Variants in FAM107B observed in about 807,000 individuals in gnomAD.
FAM107B encodes the protein family with sequence similarity 107 member B.
In FAM107B, 21 loss-of-function variants were observed where a neutral mutation model predicts 31.5. The observed-to-expected ratio is 0.67, with a 90% confidence interval of 0.47 to 0.96. The LOEUF is 0.96. Among genes scored for constraint, FAM107B ranks in the 40% least tolerant of loss-of-function variants. The pLI is 0.00. For synonymous variants in FAM107B, 157 were observed against 141.5 expected, an observed-to-expected ratio of 1.11 and a Z score of -0.78; for missense variants, 452 against 377.1, an observed-to-expected ratio of 1.20 and a Z score of -1.64.
intron 1 of FAM107B, among the ~76,000 whole-genome samples, chr10:14,754,798 C>T (rs964646733): frequency 1.3e-5 from 2 of 152,234 alleles, no homozygotes; most frequent in South Asian, 4.1e-4. Flanking sequence ...AGGTACAGCA[C>T]ATCTGCTGTG....
intron 2 of FAM107B, among the ~76,000 whole-genome samples, chr10:14,549,421 T>C (rs890408598): frequency 6.6e-6 from 1 of 152,226 alleles, no homozygotes; most frequent in Non-Finnish European, 1.5e-5. Flanking sequence ...ATGAGAGAAG[T>C]TTAGGCCTTT....
chr10:14,560,686 G>A (rs141769906), intron 2 of FAM107B, among the ~76,000 whole-genome samples: 2 of 152,182 alleles, frequency 1.3e-5, no homozygotes, highest in Non-Finnish European at 2.9e-5. Flanking sequence ...TTAAAAACAC[G>A]GCTGCCATCA....
At chr10:14,598,758 T>C (rs1443406201) in intron 2 of FAM107B, among the ~76,000 whole-genome samples, 1 of 152,238 alleles carries the variant, frequency 6.6e-6, no homozygotes, top group Non-Finnish European at 1.5e-5. Flanking sequence ...CTGTGGGCAC[T>C]GGCATAACAG....
chr10:14,637,518 C>T (rs573355355), intron 2 of FAM107B, among the ~76,000 whole-genome samples: 11 of 152,222 alleles, frequency 7.2e-5, no homozygotes, highest in African/African-American at 2.6e-4. Flanking sequence ...TTTTATGGTG[C>T]TTGTAGTCCC....
rs766249886 is a variant in FAM107B at position 14,765,645 on chromosome 10, G to A, written c.411+8608C>T. ...AGGGACAGTCAGTAATTTTGCTCAG[G>A]AGAATAAAAAGGAACTAGAAAATTA... is the stretch of plus-strand genomic sequence containing the variant. On this transcript the variant is annotated intron_variant, in intron 1 of 4. Transcript: ENST00000181796. Among the ~76,000 whole-genome samples the A allele has an allele frequency of 5.1e-4, 78 of 152,146 alleles. 1 individual carries two copies. Among genetic ancestry groups the A allele is most frequent in the Admixed American group, 3.6e-3 (55 of 15,264 alleles).
intron 2 of FAM107B, among the ~76,000 whole-genome samples, chr10:14,533,929 A>AG (rs58204092): frequency 0.011 from 1,618 of 151,456 alleles, 27 homozygotes; most frequent in African/African-American, 0.037. Flanking sequence ...CCGGTGCAGG[A>AG]GGGGGGGGCT....
At chr10:14,635,282 G>A (rs1351667658) in intron 2 of FAM107B, among the ~76,000 whole-genome samples, 1 of 152,066 alleles carries the variant, frequency 6.6e-6, no homozygotes, top group African/African-American at 2.4e-5. Context: ...AAGAAACCAG[G>A]AAGCCCTAAA....
At chr10:14,546,624 A>C (rs945904276) in intron 2 of FAM107B, among the ~76,000 whole-genome samples, 1 of 152,220 alleles carries the variant, frequency 6.6e-6, no homozygotes, top group Non-Finnish European at 1.5e-5. Context: ...AGCAGCTACA[A>C]TGTTTAAAAA....
chr10:14,691,240 T>C (rs1484281112), intron 1 of FAM107B, among the ~76,000 whole-genome samples: 1 of 152,130 alleles, frequency 6.6e-6, no homozygotes, highest in Admixed American at 6.5e-5. Flanking sequence ...GAAAATATGA[T>C]CTCAGTAGCT....
chr10:14,723,556 C>G (rs1855962468), intron 1 of FAM107B: 6 of 651,594 alleles, frequency 9.2e-6, no homozygotes, highest in Non-Finnish European at 1.7e-5. Flanking sequence ...TGTGTGAGCT[C>G]CCTTACTGTT....
At chr10:14,681,033 G>T (rs1854821633) in intron 1 of FAM107B, among the ~76,000 whole-genome samples, 1 of 152,188 alleles carries the variant, frequency 6.6e-6, no homozygotes, top group Non-Finnish European at 1.5e-5. Context: ...GGTCCTGACT[G>T]GAGGTTTGCC....
chr10:14,701,685 A>C (rs1855401950), intron 1 of FAM107B, among the ~76,000 whole-genome samples: 1 of 152,156 alleles, frequency 6.6e-6, no homozygotes, highest in South Asian at 2.1e-4. Flanking sequence ...ACCAGAAAGA[A>C]TGCAATGACC....
intron 2 of FAM107B, among the ~76,000 whole-genome samples, chr10:14,651,344 G>A (rs1853893039): frequency 6.6e-6 from 1 of 152,182 alleles, no homozygotes; most frequent in Non-Finnish European, 1.5e-5. Context: ...AGTGGCTCAC[G>A]CCTATAATCC....
intron 2 of FAM107B, among the ~76,000 whole-genome samples, chr10:14,552,699 C>T (rs1178682264): frequency 9.9e-5 from 15 of 152,116 alleles, no homozygotes; most frequent in Non-Finnish European, 1.5e-5. Flanking sequence ...TAGCCAGGCA[C>T]ACACTCGTAA....
intron 2 of FAM107B, among the ~76,000 whole-genome samples, chr10:14,582,749 C>T (rs976039330): frequency 6.6e-6 from 1 of 152,056 alleles, no homozygotes; most frequent in African/African-American, 2.4e-5. Context: ...AACTTTATTA[C>T]TGTATAACTC....
At chr10:14,764,338 T>C (rs1001378709) in intron 1 of FAM107B, among the ~76,000 whole-genome samples, 10 of 152,222 alleles carry the variant, frequency 6.6e-5, no homozygotes, top group Non-Finnish European at 1.3e-4. Context: ...AAGTTTCTCC[T>C]TTAGGATGGG....
intron 2 of FAM107B, among the ~76,000 whole-genome samples, chr10:14,544,446 T>C (rs1588535755): frequency 6.6e-6 from 1 of 152,296 alleles, no homozygotes; most frequent in East Asian, 1.9e-4. Flanking sequence ...TCCACGGATA[T>C]TCTTCTTGCC....
intron 1 of FAM107B, among the ~76,000 whole-genome samples, chr10:14,670,807 A>G (rs1226739252): frequency 6.6e-6 from 1 of 152,258 alleles, no homozygotes; most frequent in Non-Finnish European, 1.5e-5. Context: ...GAGAGCTTTC[A>G]GCACAGAATA....
In FAM107B at chr10:14,723,413, G is replaced by T. The variant is rs116431091; in HGVS notation, c.411+50840C>A. Reference sequence around the variant, plus strand: ...GGTCACAGCCTTTTCAGCAGCATCTGCTCTTCTTTTTTAATCTCTTCAGGA... The same window carrying T: ...GGTCACAGCCTTTTCAGCAGCATCTTCTCTTCTTTTTTAATCTCTTCAGGA... On this transcript the variant is annotated intron_variant, in intron 1 of 4. Transcript: ENST00000181796. The T allele has an allele frequency of 1.5e-3, 857 of 553,056 alleles. 2 individuals carry two copies. Among genetic ancestry groups the T allele is most frequent in the African/African-American group, 0.013 (707 of 53,206 alleles). The allele number at this position is 553,056 out of a possible 1,614,324, so 34.3% of individuals were successfully genotyped here. A position where few individuals can be genotyped will look rare whatever the true frequency, so the allele number is the denominator to read the frequency against.
Sources: allele counts gnomAD v4.1 joint callset (sites outside exome capture counted in the v4.1 genomes callset), GRCh38; gene constraint gnomAD v4.1.1; transcripts MANE v1.5; gene names NCBI Gene and HGNC (gene_info 2026-07-23, HGNC 2026-07-21).